GNE: variants seen among roughly 807,000 people sequenced by gnomAD.
The protein encoded by GNE is glucosamine (UDP-N-acetyl)-2-epimerase/N-acetylmannosamine kinase, also known as bifunctional UDP-N-acetylglucosamine 2-epimerase/N-acetylmannosamine kinase.
GNE carries 41 observed loss-of-function variants against 61.8 expected under a neutral mutation model. The observed-to-expected ratio is 0.66, with a 90% CI of 0.52 to 0.86. The LOEUF is 0.86. GNE is among the 40% of genes least tolerant of loss of function. GNE has a pLI of 0.00. For synonymous variants in GNE, 264 were observed against 326.4 expected (o/e 0.81, Z 2.06); for missense variants, 608 against 909.1 (o/e 0.67, Z 4.26).
intron 11 of GNE, 108 bp from the exon 12 acceptor site, chr9:36,217,708 G>T (rs569816457): frequency 1.1e-5 from 8 of 732,788 alleles, no homozygotes; most frequent in Non-Finnish European, 2.0e-5. Flanking sequence ...GAACATCCAC[G>T]GCATGCAGTG....
At chr9:36,243,667 A>AC (rs758875122) in intron 3 of GNE, among the ~76,000 whole-genome samples, 2 of 151,956 alleles carry the variant, frequency 1.3e-5, no homozygotes, top group Non-Finnish European at 2.9e-5. Context: ...AAATAGTGAG[A>AC]CCCCATCTCT....
At chr9:36,245,974 ACG>A in intron 3 of GNE, 55 bp downstream of exon 3, 1 of 1,327,440 alleles carries the variant, frequency 7.5e-7, no homozygotes, top group Non-Finnish European at 1.1e-6. Context: ...ATTGAAATAG[ACG>A]GAACATTTTC....
chr9:36,271,283 T>C (rs1264218201), intron 1 of GNE, among the ~76,000 whole-genome samples: 2 of 152,228 alleles, frequency 1.3e-5, no homozygotes, highest in East Asian at 3.8e-4. Flanking sequence ...ACGCCATCTC[T>C]ATTGTGAAAC....
intron 4 of GNE, among the ~76,000 whole-genome samples, chr9:36,234,953 G>A (rs1208536918): frequency 6.6e-6 from 1 of 152,140 alleles, no homozygotes; most frequent in African/African-American, 2.4e-5. Flanking sequence ...ATACAGTCTT[G>A]CCAGAGCATC....
rs368282013 is a variant in GNE, at chr9:36,258,329, G to A, written c.-51C>T. The A allele has an allele frequency of 1.4e-5, 14 of 985,312 alleles. No individual in the cohort carries two copies. In the East Asian group the frequency reaches 1.4e-3, roughly 96 times the overall value. The allele number at this position is 985,312 out of a possible 1,614,324, so 61.0% of individuals were successfully genotyped here. A position where few individuals can be genotyped will look rare whatever the true frequency, so the allele number is the denominator to read the frequency against. ...CGCCGCGCGGCTCTCACCAGACGCC[G>A]TCAGAGGCTCCCTCCCACGCCGCCA... On this transcript the variant is annotated 5_prime_UTR_variant, in exon 1 of 12. The change creates a new upstream start codon in the 5' untranslated region. Coordinates refer to ENST00000642385, the MANE Select transcript of GNE (RefSeq NM_005476.7).
At chr9:36,240,125 C>T (rs1405940207) in intron 3 of GNE, among the ~76,000 whole-genome samples, 1 of 152,172 alleles carries the variant, frequency 6.6e-6, no homozygotes, top group East Asian at 1.9e-4. Context: ...GACGGTTTGA[C>T]TTCCTCTTTA....
At chr9:36,237,158 A>G (rs1024536602) in intron 3 of GNE, among the ~76,000 whole-genome samples, 174 bp from the exon 4 acceptor site, 1 of 152,242 alleles carries the variant, frequency 6.6e-6, no homozygotes, top group African/African-American at 2.4e-5. Context: ...AAGAATTTAC[A>G]GCAACAAATC....
chr9:36,247,622 A>C (rs1829941516), intron 2 of GNE, among the ~76,000 whole-genome samples: 1 of 152,132 alleles, frequency 6.6e-6, no homozygotes, highest in Non-Finnish European at 1.5e-5. Context: ...TTCCTGTCAA[A>C]GCTTTCTCAG....
At position 36,219,906 on chromosome 9, in the gene GNE, C is replaced by T. The variant is rs1828511004; in HGVS notation, c.1748G>A (p.Ser583Asn). 6.2e-7 allele frequency: 1 copy of T among 1,614,182 alleles called. No individual in the cohort carries two copies. The highest frequency in any genetic ancestry group is 2.2e-5 in the East Asian group (1 of 44,884). The change falls in exon 10 of 12, where the codon AGC becomes AAC. Residue 583 changes from serine (S) to asparagine (N), a missense_variant. By Grantham distance (46) the Ser-to-Asn change is conservative. Coordinates refer to ENST00000642385, the MANE Select transcript of GNE (RefSeq NM_005476.7). ...GGCGTATGCTTCAATGCACCCATGG[C>T]TTCCACAGGAACAATCAGGCCCATC... ...SLDGPDCSCG[S>N]HGCIEAYASG... is the part of the protein sequence containing the mutation.
rs1273598668 is a variant in GNE, at chr9:36,215,170, A to C, written c.*2195T>G. ...TGAAACCCTGTCTACTAAAAATACA[A>C]AAAAAAATCAGCCGGGCGTGGTGCA... On this transcript the variant is annotated 3_prime_UTR_variant, in exon 12 of 12. Coordinates refer to ENST00000642385, the MANE Select transcript of GNE (RefSeq NM_005476.7). 1 of 151,750 alleles carries C rather than the reference A, an allele frequency of 6.6e-6. No individual in the cohort carries two copies. Among genetic ancestry groups the C allele is most frequent in the Non-Finnish European group, 1.5e-5 (1 of 67,934 alleles). 9.4% of individuals were successfully genotyped at this position (151,750 alleles called of 1,614,324 possible). A position where few individuals can be genotyped will look rare whatever the true frequency, so the allele number is the denominator to read the frequency against.
At chr9:36,251,210 A>G (rs1392999097) in intron 1 of GNE, among the ~76,000 whole-genome samples, 2 of 152,060 alleles carry the variant, frequency 1.3e-5, no homozygotes, top group African/African-American at 4.8e-5. Context: ...TCCTTTCTGG[A>G]AAGGCTTCAC....
chr9:36,229,117 AACC>A lies in GNE; in HGVS notation c.983-12_983-10del. ...ATGAAGAACATTCTCCCCTAGGTAAAACCAGTGACACATTACAAGGATTTGGAA... is the reference window on the plus strand; with the variant it reads ...ATGAAGAACATTCTCCCCTAGGTAAAAGTGACACATTACAAGGATTTGGAA... On this transcript the variant is annotated splice_polypyrimidine_tract_variant and intron_variant, in intron 5 of 11. Transcript: ENST00000642385. 1 of 1,474,792 alleles carries A rather than the reference AACC, an allele frequency of 6.8e-7. No individual in the cohort carries two copies. The highest frequency in any genetic ancestry group is 1.4e-5 in the African/African-American group (1 of 72,480). The allele number at this position is 1,474,792 out of a possible 1,614,324, so 91.4% of individuals were successfully genotyped here. A position where few individuals can be genotyped will look rare whatever the true frequency, so the allele number is the denominator to read the frequency against.
chr9:36,218,884 TA>T lies in GNE; in HGVS notation c.1817-586del, dbSNP rs1828457223. ...ACGGAATGAGATCATGGACATAAAG[TA>T]TTTAGTTAAGTGCTGGCCACAGTAA... On this transcript the variant is annotated intron_variant, in intron 10 of 11. Transcript: ENST00000642385. This position sits in a 1 kb window ranked among gnomAD's most constrained non-coding sequence, Gnocchi z 4.1. 6.6e-6 allele frequency among the ~76,000 whole-genome samples: 1 copy of T among 152,204 alleles called. No homozygotes were observed. The highest frequency in any genetic ancestry group is 1.5e-5 in the Non-Finnish European group (1 of 68,040).
At chr9:36,253,736 T>C (rs1325313754) in intron 1 of GNE, among the ~76,000 whole-genome samples, 1 of 152,044 alleles carries the variant, frequency 6.6e-6, no homozygotes, top group Non-Finnish European at 1.5e-5. Context: ...CCCTAAAATT[T>C]AGCAAAAACA....
rs750540046 is a variant in GNE at position 36,227,416 on chromosome 9, C to T, written c.1113G>A (p.Leu371=). The T allele has an allele frequency of 1.2e-6, 2 of 1,613,052 alleles. No homozygotes were observed. Among genetic ancestry groups the T allele is most frequent in the South Asian group, 2.2e-5 (2 of 91,062 alleles). Residue 371 remains leucine (L), a synonymous_variant, in exon 7 of 12, where the codon TTG becomes TTA. Coordinates refer to ENST00000642385, the MANE Select transcript of GNE (RefSeq NM_005476.7). ...GAAGATCGATAGATTTGAGAAACTTCAAAATCCTTGGAACAGCATTTCCAT... is the reference window on the plus strand; with the variant it reads ...GAAGATCGATAGATTTGAGAAACTTTAAAATCCTTGGAACAGCATTTCCAT... ...YGDGNAVPRI[L]KFLKSIDLQE...
chr9:36,250,488 A>G (rs997144279), intron 1 of GNE, among the ~76,000 whole-genome samples: 1 of 152,102 alleles, frequency 6.6e-6, no homozygotes, highest in African/African-American at 2.4e-5. Flanking sequence ...CATTCATCCA[A>G]ATGCCTTCAA....
chr9:36,246,925 T>C (rs1587342157), intron 2 of GNE, among the ~76,000 whole-genome samples: 2 of 152,196 alleles, frequency 1.3e-5, no homozygotes, highest in East Asian at 3.8e-4. Flanking sequence ...CACCTTGACC[T>C]ACCAAAGTGC....
At chr9:36,266,417 G>A (rs1830791804) in intron 1 of GNE, among the ~76,000 whole-genome samples, 1 of 152,230 alleles carries the variant, frequency 6.6e-6, no homozygotes, top group Non-Finnish European at 1.5e-5. Flanking sequence ...ATAGCCTTAT[G>A]AGGCTACACT....
chr9:36,256,352 C>A (rs1274520704), intron 1 of GNE, among the ~76,000 whole-genome samples: 2 of 148,694 alleles, frequency 1.3e-5, no homozygotes, highest in Admixed American at 6.8e-5. Context: ...TCAAGCGATA[C>A]TCCTATCTCA....
Sources: allele counts gnomAD v4.1 joint callset (sites outside exome capture counted in the v4.1 genomes callset), GRCh38; gene constraint gnomAD v4.1.1; non-coding constraint Gnocchi (gnomAD v3.1); transcripts MANE v1.5; gene names NCBI Gene and HGNC (gene_info 2026-07-23, HGNC 2026-07-21).